The following CCDC40 variants were observed in gnomAD, a reference collection of about 807,000 sequenced individuals.
CCDC40 encodes coiled-coil domain 40 molecular ruler complex subunit.
CCDC40 carries 104 observed loss-of-function variants against 124.5 expected under a neutral mutation model. The observed-to-expected ratio is 0.84, with a 90% CI of 0.71 to 0.98. The LOEUF (loss-of-function observed/expected upper bound fraction) is 0.98, where lower values mean the gene tolerates loss of function less well. Ranked by LOEUF, CCDC40 falls within the 50% of genes least tolerant of loss-of-function variation. The pLI, the probability that CCDC40 is intolerant of heterozygous loss-of-function variation, is 0.00. For synonymous variants in CCDC40, 580 were observed against 602.9 expected (o/e 0.96, Z 0.56); for missense variants, 1,463 against 1,503.9 (o/e 0.97, Z 0.45).
In CCDC40 at chr17:80,044,001, T is replaced by C. The variant is rs182087925; in HGVS notation, c.553-3278T>C. ...ATTGTTCTGCGAGGGGAGATGGGAG[T>C]ATGGAAGGGAGGCAGGGAAAGAGGA... is the stretch of plus-strand genomic sequence containing the variant. On this transcript the variant is annotated intron_variant, in intron 3 of 19. Coordinates refer to ENST00000397545, the MANE Select transcript of CCDC40 (RefSeq NM_017950.4). Among the ~76,000 whole-genome samples the C allele has an allele frequency of 2.8e-4, 42 of 152,022 alleles. No homozygotes were observed. The East Asian group carries it at 7.9e-3, about 29-fold the overall frequency.
At chr17:80,090,248 CAACACGGGACGCGCGCGGGCACGTGCACG>C in intron 17 of CCDC40, 1 of 866,442 alleles carries the variant, frequency 1.2e-6, no homozygotes, top group Non-Finnish European at 1.7e-6. Flanking sequence ...CGTGCACGAA[CAACACGGGACGCGCGCGGGCACGTGCACG>C]AACAACACGG....
rs775018316 is a variant in CCDC40 at position 80,090,408 on chromosome 17, GGACACACACA to G, written c.2832+526_2832+535del. Reference sequence around the variant, plus strand: ...ACACAGCACGTGCATGAACAACACAGGACACACACAGCACGTGCATGAACAACACAGGACA... The same window carrying G: ...ACACAGCACGTGCATGAACAACACAGGCACGTGCATGAACAACACAGGACA... On this transcript the variant is annotated intron_variant, in intron 17 of 19. Coordinates refer to ENST00000397545, the MANE Select transcript of CCDC40 (RefSeq NM_017950.4). 337 of 849,140 alleles carry G rather than the reference GGACACACACA, an allele frequency of 4.0e-4. 17 individuals carry two copies. Among genetic ancestry groups the G allele is most frequent in the African/African-American group, 3.1e-3 (159 of 51,310 alleles). The allele number at this position is 849,140 out of a possible 1,614,324, so 52.6% of individuals were successfully genotyped here.
Position 80,038,178 on chromosome 17 carries a change from A to C in CCDC40, c.85A>C (p.Ser29Arg), listed in dbSNP as rs2037178673. The change falls in exon 2 of 20, where the codon AGC becomes CGC. Residue 29 changes from serine (S) to arginine (R), a missense_variant. Transcript: ENST00000397545. ...SEGEKEGNNE[S>R]HMVSPPEKDD... is the part of the protein sequence containing the mutation. Reference sequence around the variant, plus strand: ...GGGAGAGAAGGAAGGGAATAATGAAAGCCACATGGTAAAATTCCCTATGGG... The same window carrying C: ...GGGAGAGAAGGAAGGGAATAATGAACGCCACATGGTAAAATTCCCTATGGG... 2 of 1,603,668 alleles carry C rather than the reference A, an allele frequency of 1.2e-6. No individual in the cohort carries two copies. The highest frequency in any genetic ancestry group is 1.7e-6 in the Non-Finnish European group (2 of 1,171,048).
Position 80,099,761 on chromosome 17 carries a change from C to T in CCDC40, c.3415C>T (p.Pro1139Ser). ...SQMIANKLES[P>S]GPS is the part of the protein sequence containing the mutation. ...GATGATCGCCAACAAGCTCGAGTCACCAGGGCCCTCCTAGGGAGCAGCCTG... is the reference window on the plus strand; with the variant it reads ...GATGATCGCCAACAAGCTCGAGTCATCAGGGCCCTCCTAGGGAGCAGCCTG... Residue 1139 changes from proline to serine, a missense_variant, in exon 20 of 20, where the codon CCA becomes TCA. By Grantham distance (74) the Pro-to-Ser change is moderately conservative. Transcript: ENST00000397545. The T allele has an allele frequency of 6.2e-7, 1 of 1,613,034 alleles. No homozygotes were observed. Among genetic ancestry groups the T allele is most frequent in the Non-Finnish European group, 8.5e-7 (1 of 1,179,798 alleles).
intron 18 of CCDC40, among the ~76,000 whole-genome samples, chr17:80,096,426 G>C (rs1397919127): frequency 6.6e-6 from 1 of 152,154 alleles, no homozygotes; most frequent in African/African-American, 2.4e-5. Flanking sequence ...AGTTTCTGGA[G>C]AGAGGCGGCA....
intron 9 of CCDC40, among the ~76,000 whole-genome samples, chr17:80,060,013 C>T (rs1015955987): frequency 3.3e-5 from 5 of 152,168 alleles, no homozygotes; most frequent in Non-Finnish European, 7.3e-5. Context: ...ATCTCAGGAA[C>T]AAACAATCCC....
chr17:80,083,646 T>C (rs1222224071), intron 12 of CCDC40, among the ~76,000 whole-genome samples: 2 of 152,178 alleles, frequency 1.3e-5, no homozygotes, highest in Non-Finnish European at 2.9e-5. Context: ...GGCCACACCA[T>C]TGCAGCTGTG....
chr17:80,049,012 C>T (rs773435567), intron 5 of CCDC40, among the ~76,000 whole-genome samples: 2 of 152,138 alleles, frequency 1.3e-5, no homozygotes, highest in Non-Finnish European at 2.9e-5. Flanking sequence ...TCATTCTGTG[C>T]TGTGCCTTGC....
At position 80,100,143 on chromosome 17, in the gene CCDC40, G is replaced by A. The variant is rs1221454115; in HGVS notation, c.*368G>A. ...CTGCCACAGGTCCACAAGCTGGTGG[G>A]CTGAGCAGAGGTGGGAAAGTTAAGG... On this transcript the variant is annotated 3_prime_UTR_variant, in exon 20 of 20. Coordinates refer to ENST00000397545, the MANE Select transcript of CCDC40 (RefSeq NM_017950.4). The A allele has an allele frequency of 1.2e-5, 4 of 334,106 alleles. No homozygotes were observed. Among genetic ancestry groups the A allele is most frequent in the Non-Finnish European group, 1.7e-5 (3 of 173,390 alleles). 20.7% of individuals were successfully genotyped at this position (334,106 alleles called of 1,614,324 possible). A position where few individuals can be genotyped will look rare whatever the true frequency, so the allele number is the denominator to read the frequency against.
intron 7 of CCDC40, among the ~76,000 whole-genome samples, chr17:80,053,604 G>GT (rs2037660971): frequency 6.6e-6 from 1 of 152,098 alleles, no homozygotes; most frequent in African/African-American, 2.4e-5. Flanking sequence ...TTGTTTGTTT[G>GT]TTTGTTGAGA....
Position 80,066,491 on chromosome 17 carries a change from C to A in CCDC40, c.1562+885C>A. The A allele has an allele frequency of 3.6e-6, 1 of 277,838 alleles. No individual in the cohort carries two copies. 17.2% of individuals were successfully genotyped at this position (277,838 alleles called of 1,614,324 possible). A position where few individuals can be genotyped will look rare whatever the true frequency, so the allele number is the denominator to read the frequency against. ...ACTCATTTCTGGCCAGGCGCAGTGG[C>A]TCGCACCTGTAATCCCAACATTTTG... On this transcript the variant is annotated intron_variant, in intron 10 of 19. Transcript: ENST00000397545. This position sits in a 1 kb window ranked among gnomAD's most constrained non-coding sequence, Gnocchi z 4.4.
chr17:80,065,935 G>C, intron 10 of CCDC40: 1 of 612,238 alleles, frequency 1.6e-6, no homozygotes, highest in Non-Finnish European at 2.9e-6. Flanking sequence ...ATCACCACCT[G>C]AGTGCGGAAA....
At chr17:80,084,109 C>T (rs1397304075) in intron 12 of CCDC40, among the ~76,000 whole-genome samples, 1 of 152,204 alleles carries the variant, frequency 6.6e-6, no homozygotes, top group African/African-American at 2.4e-5. Context: ...TTCACATTTC[C>T]TCACAATGTG....
At chr17:80,069,336 T>A (rs942320895) in intron 10 of CCDC40, among the ~76,000 whole-genome samples, 7 of 152,158 alleles carry the variant, frequency 4.6e-5, no homozygotes, top group African/African-American at 1.7e-4. Context: ...GCTGTGCCTG[T>A]CTTGGCTGCT....
At chr17:80,096,530 G>A (rs933752029) in intron 18 of CCDC40, among the ~76,000 whole-genome samples, 7 of 151,864 alleles carry the variant, frequency 4.6e-5, no homozygotes, top group African/African-American at 7.2e-5. Context: ...ACCACTCCTT[G>A]CTGCCCTGGG....
In CCDC40 at chr17:80,058,771, G is replaced by A. The variant is rs1008613585; in HGVS notation, c.1318-87G>A. On this transcript the variant is annotated intron_variant, in intron 8 of 19. Coordinates refer to ENST00000397545, the MANE Select transcript of CCDC40 (RefSeq NM_017950.4). This position sits in a 1 kb window ranked among gnomAD's most constrained non-coding sequence, Gnocchi z 4.2. ...GGAGGGGTGGCGGCCGGCCTGGGTG[G>A]CGTCAACTTGTATCAAGGGTTGGTG... is the stretch of plus-strand genomic sequence containing the variant. The A allele has an allele frequency of 9.3e-6, 15 of 1,608,968 alleles. No homozygotes were observed. The Admixed American group carries it at 1.5e-4, about 16-fold the overall frequency.
At position 80,049,966 on chromosome 17, in the gene CCDC40, T is replaced by C. The variant is rs2037536256; in HGVS notation, c.916T>C (p.Leu306=). 1.2e-6 allele frequency: 2 copies of C among 1,614,030 alleles called. No individual in the cohort carries two copies. The highest frequency in any genetic ancestry group is 4.5e-5 in the East Asian group (2 of 44,870). ...KNYLNRQIEK[L]KLDLQELVVA... is the part of the protein sequence containing the mutation. ...CTACCTGAACCGACAGATCGAAAAG[T>C]TGAAGCTGGACCTCCAAGAGCTGGT... Residue 306 remains leucine (L), a synonymous_variant, in exon 6 of 20, where the codon TTG becomes CTG. Coordinates refer to ENST00000397545, the MANE Select transcript of CCDC40 (RefSeq NM_017950.4).
chr17:80,067,928 T>C, intron 10 of CCDC40: 1 of 1,284,306 alleles, frequency 7.8e-7, no homozygotes, highest in Admixed American at 3.5e-5. Flanking sequence ...TTTAGTGGAC[T>C]ATGTACACGC....
rs747233125 is a variant in CCDC40, at chr17:80,086,207, C to T, written c.2440C>T (p.Arg814Ter). 8.7e-6 allele frequency: 14 copies of T among 1,606,720 alleles called. No homozygotes were observed. Among genetic ancestry groups the T allele is most frequent in the East Asian group, 2.2e-5 (1 of 44,592 alleles). Residue 814 changes from arginine to a stop codon, truncating the protein, a stop_gained, in exon 14 of 20, where the codon CGA becomes TGA. Transcript: ENST00000397545. LOFTEE classifies it high-confidence loss of function. The surrounding 1 kb of genome is among the most constrained non-coding windows in gnomAD (Gnocchi z 5.5). ...CCACATCATGGAGCAGAAGAAACTA[C>T]GAGTAGAAAGTAAGAGCCGCCGTGC... is the stretch of plus-strand genomic sequence containing the variant. ...ELHIMEQKKL[R>*]VESKIEQEKK...
Sources: gnomAD v4.1 joint callset for allele counts (sites outside exome capture counted in the v4.1 genomes callset) on GRCh38, gnomAD v4.1.1 for gene constraint, Gnocchi (gnomAD v3.1) non-coding constraint, MANE v1.5 for transcripts, NCBI Gene and HGNC (gene_info 2026-07-23, HGNC 2026-07-21) for gene names.